Variants in TRPS1 observed in about 807,000 individuals in gnomAD.
TRPS1 encodes the protein zinc finger transcription factor Trps1.
A neutral mutation model predicts 101.2 loss-of-function variants in TRPS1; 6 were observed. That is an observed-to-expected ratio of 0.06 (90% CI 0.03 to 0.12). The LOEUF is 0.12. Among genes scored for constraint, TRPS1 ranks in the 10% least tolerant of loss-of-function variants. The pLI is 1.00. For synonymous variants in TRPS1, 578 were observed against 589.8 expected (o/e 0.98, Z 0.29); for missense variants, 1,363 against 1,567.0 (o/e 0.87, Z 2.20).
intron 1 of TRPS1, among the ~76,000 whole-genome samples, chr8:115,662,807 T>G (rs1811836561): frequency 6.6e-6 from 1 of 151,940 alleles, no homozygotes; most frequent in Non-Finnish European, 1.5e-5. Context: ...ACCCTTAAAA[T>G]TAATGTTTTC....
chr8:115,665,518 A>C (rs1485357774), intron 1 of TRPS1, among the ~76,000 whole-genome samples: 2 of 152,192 alleles, frequency 1.3e-5, no homozygotes, highest in East Asian at 3.8e-4. Flanking sequence ...ATATGATGTA[A>C]ATCAGAATAA....
intron 5 of TRPS1, among the ~76,000 whole-genome samples, chr8:115,450,467 TGATTTTGTGAGGACCACTTAAAC>T (rs1006386229): frequency 6.6e-6 from 1 of 152,120 alleles, no homozygotes; most frequent in Admixed American, 6.5e-5. Context: ...AAAGCGCCAA[TGATTTTGTGAGGACCACTTAAAC>T]GAAATCACTA....
At chr8:115,500,719 G>A (rs1465424984) in intron 5 of TRPS1, among the ~76,000 whole-genome samples, 3 of 151,988 alleles carry the variant, frequency 2.0e-5, no homozygotes, top group African/African-American at 7.2e-5. Flanking sequence ...ACAGGCGCCT[G>A]CCACCATGCC....
chr8:115,487,416 CT>C (rs1292889622), intron 5 of TRPS1, among the ~76,000 whole-genome samples: 1 of 151,974 alleles, frequency 6.6e-6, no homozygotes, highest in Non-Finnish European at 1.5e-5. Flanking sequence ...GTAATTAGGA[CT>C]TTTCAAGTCT....
At chr8:115,481,855 C>T (rs972312731) in intron 5 of TRPS1, among the ~76,000 whole-genome samples, 2 of 152,086 alleles carry the variant, frequency 1.3e-5, no homozygotes, top group Non-Finnish European at 1.5e-5. Flanking sequence ...TACTGAGTAC[C>T]CTGTGAGATA....
At chr8:115,663,384 CAAGA>C (rs1284640095) in intron 1 of TRPS1, among the ~76,000 whole-genome samples, 1 of 151,138 alleles carries the variant, frequency 6.6e-6, no homozygotes, top group South Asian at 2.1e-4. Context: ...TTAAAGAAAA[CAAGA>C]AAGAGAGAGA....
intron 4 of TRPS1, among the ~76,000 whole-genome samples, chr8:115,603,551 T>A (rs1240901357): frequency 6.6e-6 from 1 of 152,184 alleles, no homozygotes; most frequent in Non-Finnish European, 1.5e-5. Flanking sequence ...TAAGGATAAA[T>A]AAATGGACTA....
At chr8:115,613,674 G>A (rs535301733) in intron 3 of TRPS1, among the ~76,000 whole-genome samples, 1 of 152,204 alleles carries the variant, frequency 6.6e-6, no homozygotes, top group South Asian at 2.1e-4. Context: ...ATGGACATAA[G>A]GTTAGTGTTT....
intron 5 of TRPS1, among the ~76,000 whole-genome samples, chr8:115,474,087 A>G (rs1814539503): frequency 6.6e-6 from 1 of 152,226 alleles, no homozygotes; most frequent in Non-Finnish European, 1.5e-5. Flanking sequence ...ACTCTGCTCT[A>G]TACATTTTCT....
intron 1 of TRPS1, among the ~76,000 whole-genome samples, chr8:115,648,854 C>A (rs1235896195): frequency 6.8e-6 from 1 of 147,500 alleles, no homozygotes; most frequent in Non-Finnish European, 1.5e-5. Context: ...TTTTTTTTTT[C>A]TTTTTTGTCT....
At chr8:115,641,996 T>C (rs939376652) in intron 1 of TRPS1, among the ~76,000 whole-genome samples, 1 of 152,084 alleles carries the variant, frequency 6.6e-6, no homozygotes, top group Non-Finnish European at 1.5e-5. Context: ...AAGAATTCCT[T>C]GAGGCCAGGA....
rs368299460 is a variant in TRPS1 at position 115,535,284 on chromosome 8, GCATATATAT to G, written c.2700+51708_2700+51716del. Among the ~76,000 whole-genome samples the G allele has an allele frequency of 0.01, 488 of 47,568 alleles. 20 individuals carry two copies. In the African/African-American group the frequency reaches 0.11, roughly 11 times the overall value. The allele number at this position is 47,568 out of a possible 152,430, so 31.2% of individuals were successfully genotyped here. A position where few individuals can be genotyped will look rare whatever the true frequency, so the allele number is the denominator to read the frequency against. ...ATATAGCATATATATAGCATATATA[GCATATATAT>G]AGCATATATATAGCATATATAGCAT... On this transcript the variant is annotated intron_variant, in intron 5 of 6. Transcript: ENST00000395715.
chr8:115,558,908 A>G (rs955173504), intron 5 of TRPS1, among the ~76,000 whole-genome samples: 3 of 152,084 alleles, frequency 2.0e-5, no homozygotes, highest in Admixed American at 2.0e-4. Flanking sequence ...ATTTAAAACC[A>G]CTTTTACAAA....
At chr8:115,415,140 G>A in intron 6 of TRPS1, 56 bp from the exon 7 acceptor site, 2 of 1,524,296 alleles carry the variant, frequency 1.3e-6, no homozygotes, top group Non-Finnish European at 8.9e-7. Context: ...ACATTAAAAT[G>A]CATTAAAAAT....
intron 5 of TRPS1, among the ~76,000 whole-genome samples, chr8:115,572,851 C>T (rs926995376): frequency 2.0e-5 from 3 of 152,024 alleles, no homozygotes; most frequent in Non-Finnish European, 4.4e-5. Context: ...AATAAATATA[C>T]GCCAGACTCC....
At chr8:115,667,807 A>G in intron 1 of TRPS1, 1 of 1,530,296 alleles carries the variant, frequency 6.5e-7, no homozygotes, top group East Asian at 2.4e-5. Flanking sequence ...CTGTTTTCCC[A>G]CTTTGGAGAC....
At chr8:115,588,795 T>C (rs6998144) in intron 4 of TRPS1, among the ~76,000 whole-genome samples, 106,143 of 152,166 alleles carry the variant, frequency 0.7, 38,419 homozygotes, top group African/African-American at 0.89. Context: ...TAAGATACTG[T>C]AAGTTATGTA....
intron 5 of TRPS1, among the ~76,000 whole-genome samples, chr8:115,428,839 G>A (rs1191577301): frequency 1.3e-5 from 2 of 152,058 alleles, no homozygotes; most frequent in African/African-American, 4.8e-5. Flanking sequence ...TCCTCAGGAC[G>A]GGTAAAATCA....
At chr8:115,506,013 A>G (rs946222136) in intron 5 of TRPS1, among the ~76,000 whole-genome samples, 34 of 152,114 alleles carry the variant, frequency 2.2e-4, no homozygotes, top group African/African-American at 8.0e-4. Flanking sequence ...TTAAAAATGT[A>G]TATTAGAAAA....
Sources: allele counts gnomAD v4.1 joint callset (sites outside exome capture counted in the v4.1 genomes callset), GRCh38; gene constraint gnomAD v4.1.1; transcripts MANE v1.5; gene names NCBI Gene and HGNC (gene_info 2026-07-23, HGNC 2026-07-21).